The following MYH14 variants were observed in gnomAD, a reference collection of about 807,000 sequenced individuals.
The protein encoded by MYH14 is myosin heavy chain 14, also known as myosin-14.
A neutral mutation model predicts 255.5 loss-of-function variants in MYH14; 123 were observed. That is an observed-to-expected ratio of 0.48 (90% CI 0.42 to 0.56). The LOEUF is 0.56. Among genes scored for constraint, MYH14 ranks in the 20% least tolerant of loss-of-function variants. The probability of loss-of-function intolerance (pLI) is 0.00; values close to 1 mark genes in which losing one functional copy is unlikely to be tolerated. For synonymous variants in MYH14, 1,095 were observed against 1,161.2 expected, an observed-to-expected ratio of 0.94 and a Z score of 1.16; for missense variants, 2,423 against 2,802.3, an observed-to-expected ratio of 0.86 and a Z score of 3.06.
intron 13 of MYH14, 126 bp downstream of exon 13, chr19:50,249,265 C>A: frequency 8.6e-7 from 1 of 1,166,346 alleles, no homozygotes; most frequent in Non-Finnish European, 1.2e-6. Flanking sequence ...TCTCTGTTCC[C>A]CCCTCTCTCT....
At position 50,276,282 on chromosome 19, in the gene MYH14, T is replaced by C. The variant is rs2035506603; in HGVS notation, c.3680+79T>C. On this transcript the variant is annotated intron_variant, in intron 28 of 42. Coordinates refer to ENST00000642316, the MANE Select transcript of MYH14 (RefSeq NM_001145809.2). This position sits in a 1 kb window ranked among gnomAD's most constrained non-coding sequence, Gnocchi z 4.3. The stretch of plus-strand genomic sequence containing the variant: ...GAAGGACTTAGGTACAAAGTCTCTG[T>C]CTATACAGAGGCTTACTTATTGTAC... 6.2e-6 allele frequency: 7 copies of C among 1,128,330 alleles called. No individual in the cohort carries two copies. The highest frequency in any genetic ancestry group is 6.2e-6 in the Non-Finnish European group (5 of 811,326). 69.9% of individuals were successfully genotyped at this position (1,128,330 alleles called of 1,614,324 possible).
At chr19:50,263,238 G>C (rs1037083017) in intron 21 of MYH14, 74 bp from the exon 22 acceptor site, 3 of 911,446 alleles carry the variant, frequency 3.3e-6, no homozygotes, top group African/African-American at 1.7e-5. Flanking sequence ...AAATAAGAAA[G>C]GAGCTTGGCT....
rs1027768140 is a variant in MYH14, at chr19:50,308,157, T to C, written c.5788-848T>C. ...ACTCTTTGAGAAGGTGACATTTAAA[T>C]TGATACCTGAAGGGTGAAAAAGAGC... On this transcript the variant is annotated intron_variant, in intron 41 of 42. Coordinates refer to ENST00000642316, the MANE Select transcript of MYH14 (RefSeq NM_001145809.2). 3.3e-5 allele frequency among the ~76,000 whole-genome samples: 5 copies of C among 152,284 alleles called. No homozygotes were observed. The East Asian group carries it at 9.6e-4, about 29-fold the overall frequency.
At chr19:50,265,357 A>AC (rs556643621) in intron 22 of MYH14, among the ~76,000 whole-genome samples, 1 of 151,788 alleles carries the variant, frequency 6.6e-6, no homozygotes, top group African/African-American at 2.4e-5. Flanking sequence ...TACAAAAAAA[A>AC]AAAAAACAAA....
chr19:50,281,412 G>A (rs1274635053), intron 32 of MYH14, among the ~76,000 whole-genome samples, 182 bp from the exon 33 acceptor site: 1 of 152,166 alleles, frequency 6.6e-6, no homozygotes, highest in African/African-American at 2.4e-5. Flanking sequence ...TTAATTCCCT[G>A]GAAGAACTAG....
chr19:50,290,138 T>A (rs746999510), intron 35 of MYH14, among the ~76,000 whole-genome samples: 68 of 151,504 alleles, frequency 4.5e-4, no homozygotes, highest in Non-Finnish European at 9.0e-4. Context: ...GTGACTCCCT[T>A]CCAACCCATC....
chr19:50,303,441 T>C (rs2036558739), intron 40 of MYH14, among the ~76,000 whole-genome samples: 1 of 152,190 alleles, frequency 6.6e-6, no homozygotes, highest in Non-Finnish European at 1.5e-5. Flanking sequence ...AAAGACTCCT[T>C]GAGGCCTGCA....
At chr19:50,278,052 T>C (rs2035572406) in intron 29 of MYH14, 31 bp from the exon 30 acceptor site, 2 of 1,499,946 alleles carry the variant, frequency 1.3e-6, no homozygotes, top group Non-Finnish European at 1.8e-6. Flanking sequence ...AAAGGCCTCA[T>C]AGATCTTTGC....
chr19:50,261,466 C>T lies in MYH14; in HGVS notation c.2425-9C>T. 1 of 1,446,648 alleles carries T rather than the reference C, an allele frequency of 6.9e-7. No individual in the cohort carries two copies. The highest frequency in any genetic ancestry group is 9.0e-7 in the Non-Finnish European group (1 of 1,109,830). 89.6% of individuals were successfully genotyped at this position (1,446,648 alleles called of 1,614,324 possible). A position where few individuals can be genotyped will look rare whatever the true frequency, so the allele number is the denominator to read the frequency against. On this transcript the variant is annotated splice_polypyrimidine_tract_variant and intron_variant, in intron 20 of 42. Transcript: ENST00000642316. ...CTCTCCGTCATCACCCCTCTCCCAC[C>T]CCTCACAGATCCAGGCGCTGGAACT...
Position 50,231,903 on chromosome 19 carries a change from C to G in MYH14, c.974-27C>G, listed in dbSNP as rs759957712. The stretch of plus-strand genomic sequence containing the variant: ...GTCTGACTGCACAGCCCACCTTTGA[C>G]CTTGACCCCACTCATTGTCCCTGCA... On this transcript the variant is annotated intron_variant, in intron 9 of 42. Transcript: ENST00000642316. 8.1e-6 allele frequency: 13 copies of G among 1,613,372 alleles called. No individual in the cohort carries two copies. The South Asian group carries it at 1.4e-4, about 18-fold the overall frequency.
chr19:50,209,762 C>T (rs1333886982), intron 1 of MYH14, among the ~76,000 whole-genome samples: 20 of 139,108 alleles, frequency 1.4e-4, no homozygotes, highest in South Asian at 2.3e-4. Flanking sequence ...CCAGCCTGGG[C>T]GACACAGTGA....
chr19:50,293,383 G>C lies in MYH14; in HGVS notation c.5345+62G>C. ...GTCTGCAGGAGGTGAAGCTGGGGTAGGCTGGAGGTGGCTGGGCTCTGGGAC... is the reference window on the plus strand; with the variant it reads ...GTCTGCAGGAGGTGAAGCTGGGGTACGCTGGAGGTGGCTGGGCTCTGGGAC... On this transcript the variant is annotated intron_variant, in intron 38 of 42. Coordinates refer to ENST00000642316, the MANE Select transcript of MYH14 (RefSeq NM_001145809.2). The surrounding 1 kb of genome is among the most constrained non-coding windows in gnomAD (Gnocchi z 4.1). 1 of 1,522,080 alleles carries C rather than the reference G, an allele frequency of 6.6e-7. No homozygotes were observed. Among genetic ancestry groups the C allele is most frequent in the South Asian group, 1.2e-5 (1 of 84,230 alleles). The allele number at this position is 1,522,080 out of a possible 1,614,324, so 94.3% of individuals were successfully genotyped here.
rs993955603 is a variant in MYH14 at position 50,230,914 on chromosome 19, C to T, written c.973+291C>T. ...CTGCTCACGCTCGCTTCCGAAGCTC[C>T]GTGGCTTCTCTCTCGCGCGGCTTCT... On this transcript the variant is annotated intron_variant, in intron 9 of 42. Transcript: ENST00000642316. The surrounding 1 kb of genome is among the most constrained non-coding windows in gnomAD (Gnocchi z 4.7). 9 of 420,870 alleles carry T rather than the reference C, an allele frequency of 2.1e-5. No homozygotes were observed. The highest frequency in any genetic ancestry group is 3.9e-5 in the Non-Finnish European group (9 of 228,850). 26.1% of individuals were successfully genotyped at this position (420,870 alleles called of 1,614,324 possible). A position where few individuals can be genotyped will look rare whatever the true frequency, so the allele number is the denominator to read the frequency against.
Position 50,273,599 on chromosome 19 carries a change from GGGGTGTGTGTGTGT to G in MYH14, c.3467+870_3467+883del, listed in dbSNP as rs1054796254. ...GCATCTTAGAGTTGATGGAACATGG[GGGGTGTGTGTGTGT>G]GTGTGTGTGTGTGTGTGTGGTTAAG... On this transcript the variant is annotated intron_variant, in intron 27 of 42. Transcript: ENST00000642316. 2.8e-3 allele frequency among the ~76,000 whole-genome samples: 230 copies of G among 82,294 alleles called. 3 individuals carry two copies. In the East Asian group the frequency reaches 0.047, roughly 17 times the overall value. 54.0% of individuals were successfully genotyped at this position (82,294 alleles called of 152,430 possible).
chr19:50,309,330 C>A, intron 42 of MYH14, 153 bp downstream of exon 42: 2 of 754,610 alleles, frequency 2.7e-6, no homozygotes, highest in Non-Finnish European at 4.5e-6. Flanking sequence ...TGCGGGAGAG[C>A]CAAATCCAGG....
intron 39 of MYH14, among the ~76,000 whole-genome samples, chr19:50,296,639 A>G (rs1240006618): frequency 6.6e-6 from 1 of 152,128 alleles, no homozygotes; most frequent in African/African-American, 2.4e-5. Flanking sequence ...GAGAAATGAA[A>G]CTGGAGCTTC....
At chr19:50,270,734 G>T (rs2035269015) in intron 24 of MYH14, among the ~76,000 whole-genome samples, 1 of 150,146 alleles carries the variant, frequency 6.7e-6, no homozygotes, top group Non-Finnish European at 1.5e-5. Context: ...TCACTCTGTT[G>T]CCCAGGCTGG....
Position 50,309,120 on chromosome 19 carries a change from TCA to T in MYH14, c.5906_5907del (p.Thr1969ArgfsTer9), listed in dbSNP as rs773569961. On this transcript the variant is annotated frameshift_variant, in exon 42 of 43. Transcript: ENST00000642316. LOFTEE classifies it high-confidence loss of function. ...AGGCTGCAGCGTGAGCTGGAAGATG[TCA>T]CAGAGTCGGCCGAGTCCATGAACCG... The T allele has an allele frequency of 6.2e-7, 1 of 1,613,844 alleles. No individual in the cohort carries two copies. Among genetic ancestry groups the T allele is most frequent in the Non-Finnish European group, 8.5e-7 (1 of 1,179,812 alleles).
At chr19:50,277,824 G>A (rs1325642797) in intron 29 of MYH14, among the ~76,000 whole-genome samples, 2 of 152,048 alleles carry the variant, frequency 1.3e-5, no homozygotes, top group African/African-American at 4.8e-5. Flanking sequence ...GGCTGAGACA[G>A]GAGAATCACT....
Sources: allele counts gnomAD v4.1 joint callset (sites outside exome capture counted in the v4.1 genomes callset), GRCh38; gene constraint gnomAD v4.1.1; non-coding constraint Gnocchi (gnomAD v3.1); transcripts MANE v1.5; gene names NCBI Gene and HGNC (gene_info 2026-07-23, HGNC 2026-07-21).